Variants in CCDC126 observed in about 807,000 individuals in gnomAD.
The protein encoded by CCDC126 is coiled-coil domain containing 126, also known as coiled-coil domain-containing protein 126.
A neutral mutation model predicts 11.7 loss-of-function variants in CCDC126; 5 were observed. The observed-to-expected ratio is 0.43, with a 90% confidence interval of 0.22 to 0.90. The LOEUF is 0.90. CCDC126 is among the 40% of genes least tolerant of loss of function. The pLI is 0.27. For missense variants in CCDC126, 150 were observed against 163.1 expected, an observed-to-expected ratio of 0.92 and a Z score of 0.44; for synonymous variants, 60 against 61.9, an observed-to-expected ratio of 0.97 and a Z score of 0.14.
At chr7:23,621,540 C>T (rs960809586) in intron 3 of CCDC126, among the ~76,000 whole-genome samples, 8 of 152,320 alleles carry the variant, frequency 5.3e-5, no homozygotes, top group African/African-American at 1.9e-4. Context: ...GACAATTGGA[C>T]TTCCTCTTTT....
rs144471267 is a variant in CCDC126 at position 23,600,460 on chromosome 7, C to T, written c.-146+2409C>T. Among the ~76,000 whole-genome samples the T allele has an allele frequency of 9.4e-5, 13 of 138,218 alleles. No homozygotes were observed. In the East Asian group the frequency reaches 3.0e-3, roughly 32 times the overall value. The allele number at this position is 138,218 out of a possible 152,430, so 90.7% of individuals were successfully genotyped here. A position where few individuals can be genotyped will look rare whatever the true frequency, so the allele number is the denominator to read the frequency against. ...GAATGCCCCTTTTTCCCTGAAATTA[C>T]ATTCCGGGGTCAAGTCTGTGGAGGA... On this transcript the variant is annotated intron_variant, in intron 2 of 3. Transcript: ENST00000307471.
intron 2 of CCDC126, among the ~76,000 whole-genome samples, chr7:23,598,818 G>C (rs2128012970): frequency 6.6e-6 from 1 of 152,320 alleles, no homozygotes; most frequent in Middle Eastern, 3.4e-3. Flanking sequence ...GGAGTCCTTA[G>C]TTTTGTCCTT....
chr7:23,633,655 G>T lies in CCDC126; in HGVS notation c.239-9276G>T, dbSNP rs557654202. 1.1e-4 allele frequency among the ~76,000 whole-genome samples: 16 copies of T among 152,202 alleles called. No homozygotes were observed. In the East Asian group the frequency reaches 3.1e-3, roughly 29 times the overall value. On this transcript the variant is annotated intron_variant, in intron 3 of 3. Transcript: ENST00000307471. ...AAGGAGGGAGGATCACTTAAGATCG[G>T]GAGTTCGATACCAGCCTGGCAACAT...
At position 23,611,235 on chromosome 7, in the gene CCDC126, C is replaced by CTTTTTTTTTTTTTTTTTTTTTT; in HGVS notation, c.-71_-70insTTTTTTTTTTTTTTTTTTTTTT. On this transcript the variant is annotated 5_prime_UTR_variant, in exon 3 of 4. Transcript: ENST00000307471. ...TATACAATATTGAGGATATTTTTTT[C>CTTTTTTTTTTTTTTTTTTTTTT]TTTTTTTTTTCAAGTCTTGATTTGT... The CTTTTTTTTTTTTTTTTTTTTTT allele has an allele frequency of 1.3e-6, 1 of 748,776 alleles. No individual in the cohort carries two copies. Among genetic ancestry groups the CTTTTTTTTTTTTTTTTTTTTTT allele is most frequent in the Non-Finnish European group, 2.2e-6 (1 of 453,370 alleles). 46.4% of individuals were successfully genotyped at this position (748,776 alleles called of 1,614,324 possible). A position where few individuals can be genotyped will look rare whatever the true frequency, so the allele number is the denominator to read the frequency against.
At chr7:23,606,926 C>G (rs1386381638) in intron 2 of CCDC126, among the ~76,000 whole-genome samples, 1 of 150,156 alleles carries the variant, frequency 6.7e-6, no homozygotes, top group Admixed American at 6.6e-5. Context: ...TGAGACCCCT[C>G]TAAAAAAAAA....
At chr7:23,618,472 C>T (rs1000265077) in intron 3 of CCDC126, among the ~76,000 whole-genome samples, 2 of 151,534 alleles carry the variant, frequency 1.3e-5, no homozygotes, top group Non-Finnish European at 1.5e-5. Flanking sequence ...TAAAGACATT[C>T]GTCACTCAGG....
intron 3 of CCDC126, chr7:23,619,493 G>A: frequency 2.7e-6 from 1 of 370,958 alleles, no homozygotes. Context: ...CACCCTTCCT[G>A]CCTATTTTTC....
At chr7:23,607,504 C>G (rs1299751746) in intron 2 of CCDC126, among the ~76,000 whole-genome samples, 1 of 152,016 alleles carries the variant, frequency 6.6e-6, no homozygotes, top group African/African-American at 2.4e-5. Context: ...AGGATGGAGG[C>G]TAATAATCAT....
intron 2 of CCDC126, among the ~76,000 whole-genome samples, chr7:23,600,969 A>G (rs1200398570): frequency 6.6e-6 from 1 of 151,978 alleles, no homozygotes; most frequent in Non-Finnish European, 1.5e-5. Flanking sequence ...AGTCCTAGCT[A>G]CTAGGGAGGT....
chr7:23,611,565 G>A lies in CCDC126; in HGVS notation c.238+12G>A, dbSNP rs1411170371. ...TATGGCAGGATATGGTAAGATAACC[G>A]TAGAATATTTCTAGTTTCCTCCAAT... is the stretch of plus-strand genomic sequence containing the variant. On this transcript the variant is annotated intron_variant, in intron 3 of 3. Coordinates refer to ENST00000307471, the MANE Select transcript of CCDC126 (RefSeq NM_138771.4). The A allele has an allele frequency of 5.8e-6, 9 of 1,556,112 alleles. No individual in the cohort carries two copies. The highest frequency in any genetic ancestry group is 1.1e-5 in the South Asian group (1 of 89,570).
chr7:23,619,351 A>T, intron 3 of CCDC126: 1 of 363,860 alleles, frequency 2.7e-6, no homozygotes. Flanking sequence ...GCAAAAGAAC[A>T]CAAGGAAGTA....
chr7:23,631,620 G>T (rs1366460783), intron 3 of CCDC126, among the ~76,000 whole-genome samples: 4 of 152,020 alleles, frequency 2.6e-5, no homozygotes, highest in African/African-American at 9.7e-5. Context: ...AATTAGCCGG[G>T]CGTGGTGGTG....
intron 3 of CCDC126, 125 bp downstream of exon 3, chr7:23,611,678 A>G (rs1782713643): frequency 1.5e-6 from 1 of 675,644 alleles, no homozygotes; most frequent in Non-Finnish European, 2.6e-6. Context: ...TTTTATTATG[A>G]AAATTTCAAA....
intron 3 of CCDC126, among the ~76,000 whole-genome samples, chr7:23,614,016 A>G (rs1378839590): frequency 1.3e-5 from 2 of 152,224 alleles, no homozygotes; most frequent in African/African-American, 4.8e-5. Flanking sequence ...GTCAAAGGTT[A>G]CTGACTGATC....
intron 3 of CCDC126, among the ~76,000 whole-genome samples, chr7:23,616,022 T>TAA (rs1295699089): frequency 6.6e-6 from 1 of 152,234 alleles, no homozygotes; most frequent in South Asian, 2.1e-4. Context: ...CATTCAATTG[T>TAA]AAAAACACAA....
At chr7:23,641,612 G>A (rs908114126) in intron 3 of CCDC126, among the ~76,000 whole-genome samples, 34 of 152,110 alleles carry the variant, frequency 2.2e-4, no homozygotes, top group Admixed American at 3.3e-4. Context: ...TGGTGATCCC[G>A]GATTAGGGCT....
chr7:23,621,447 T>C (rs900733899), intron 3 of CCDC126, among the ~76,000 whole-genome samples: 23 of 152,242 alleles, frequency 1.5e-4, no homozygotes, highest in Non-Finnish European at 3.1e-4. Flanking sequence ...GAGACTTTGC[T>C]GAAGTTGCTT....
intron 3 of CCDC126, among the ~76,000 whole-genome samples, chr7:23,636,769 T>TGGG (rs768299331): frequency 1.9e-5 from 2 of 104,410 alleles, no homozygotes; most frequent in East Asian, 6.0e-4. Context: ...GGGAGGGAGG[T>TGGG]GGGGGGGGGG....
chr7:23,636,769 TGG>T (rs768299331), intron 3 of CCDC126, among the ~76,000 whole-genome samples: 25 of 104,242 alleles, frequency 2.4e-4, no homozygotes, highest in Admixed American at 3.5e-4. Context: ...GGGAGGGAGG[TGG>T]GGGGGGGGTC....
Sources: gnomAD v4.1 joint callset for allele counts (sites outside exome capture counted in the v4.1 genomes callset) on GRCh38, gnomAD v4.1.1 for gene constraint, MANE v1.5 for transcripts, NCBI Gene and HGNC (gene_info 2026-07-23, HGNC 2026-07-21) for gene names.